POU6F2: variants seen among roughly 807,000 people sequenced by gnomAD.
POU6F2 encodes the protein POU class 6 homeobox 2.
A neutral mutation model predicts 71.3 loss-of-function variants in POU6F2; 31 were observed. The ratio of observed to expected loss-of-function variants is 0.43; its 90% confidence interval spans 0.33 to 0.59. POU6F2 has a LOEUF of 0.59. POU6F2 is among the 20% of genes least tolerant of loss of function. POU6F2 has a pLI of 0.04. For missense variants in POU6F2, 783 were observed against 856.8 expected, an observed-to-expected ratio of 0.91 and a Z score of 1.07; for synonymous variants, 347 against 355.7, an observed-to-expected ratio of 0.98 and a Z score of 0.27.
chr7:38,985,284 TGA>T (rs1301547466), intron 1 of POU6F2, among the ~76,000 whole-genome samples: 2 of 152,128 alleles, frequency 1.3e-5, no homozygotes, highest in Non-Finnish European at 2.9e-5. Flanking sequence ...TCCAAAAGGT[TGA>T]GAGTTAGGAC....
At chr7:39,417,421 T>C (rs1237876680) in intron 6 of POU6F2, among the ~76,000 whole-genome samples, 1 of 152,214 alleles carries the variant, frequency 6.6e-6, no homozygotes, top group East Asian at 1.9e-4. Flanking sequence ...TGTAGGCCTT[T>C]GAATGACCCA....
chr7:39,467,215 T>C lies in POU6F2; in HGVS notation c.*2529T>C, dbSNP rs184508024. On this transcript the variant is annotated 3_prime_UTR_variant, in exon 10 of 10. Transcript: ENST00000518318. ...ATTTTGTATTGTTTTATAAATTATT[T>C]ATAAGGTGTTGTAATGCTTCTTATA... 13 of 152,364 alleles carry C rather than the reference T, an allele frequency of 8.5e-5. No homozygotes were observed. In the East Asian group the frequency reaches 2.5e-3, roughly 29 times the overall value. The allele number at this position is 152,364 out of a possible 1,614,324, so 9.4% of individuals were successfully genotyped here. A position where few individuals can be genotyped will look rare whatever the true frequency, so the allele number is the denominator to read the frequency against.
intron 1 of POU6F2, among the ~76,000 whole-genome samples, chr7:39,037,955 A>C (rs1790101525): frequency 6.6e-6 from 1 of 152,076 alleles, no homozygotes; most frequent in Admixed American, 6.6e-5. Flanking sequence ...AAATCTCTCC[A>C]AATTCAAATA....
rs148315450 is a variant in POU6F2, at chr7:39,202,771, G to C, written c.278-1464G>C. Among the ~76,000 whole-genome samples the C allele has an allele frequency of 1.4e-3, 206 of 152,332 alleles. 2 individuals are homozygous for C. The East Asian group carries it at 0.018, about 14-fold the overall frequency. On this transcript the variant is annotated intron_variant, in intron 2 of 9. Coordinates refer to ENST00000518318, the MANE Select transcript of POU6F2 (RefSeq NM_001370959.1). ...TCTTATGATGGGTCATCTTACCCTT[G>C]TTATTAAATGACAGCAATCATTAAA...
intron 1 of POU6F2, among the ~76,000 whole-genome samples, chr7:38,996,721 T>C (rs930275547): frequency 6.6e-6 from 1 of 152,234 alleles, no homozygotes; most frequent in Non-Finnish European, 1.5e-5. Flanking sequence ...TCTGCTTGTA[T>C]ATCTATTTCA....
rs774260299 is a variant in POU6F2, at chr7:39,464,433, G to T, written c.1910G>T (p.Arg637Leu). The change falls in exon 10 of 10, where the codon CGC (arginine) becomes CTC (leucine). Residue 637 changes from arginine to leucine, a missense_variant. This residue lies in a region of POU6F2 where 211 missense variants were observed against 283.9 expected (regional missense o/e 0.74). Transcript: ENST00000518318. This position sits in a 1 kb window ranked among gnomAD's most constrained non-coding sequence, Gnocchi z 4.1. ...ATCGGGAGTGAACCATCCAAAAAGCGCAAGCGGCGCACCTCCTTCACACCC... is the reference window on the plus strand; with the variant it reads ...ATCGGGAGTGAACCATCCAAAAAGCTCAAGCGGCGCACCTCCTTCACACCC... ...EFIGSEPSKK[R>L]KRRTSFTPQA... 1 of 1,613,980 alleles carries T rather than the reference G, an allele frequency of 6.2e-7. No homozygotes were observed. Among genetic ancestry groups the T allele is most frequent in the South Asian group, 1.1e-5 (1 of 91,084 alleles).
At chr7:39,381,439 A>G (rs1786827111) in intron 5 of POU6F2, among the ~76,000 whole-genome samples, 1 of 151,984 alleles carries the variant, frequency 6.6e-6, no homozygotes, top group African/African-American at 2.4e-5. Flanking sequence ...ATGGGGTTTC[A>G]CCACGTTGCC....
intron 2 of POU6F2, among the ~76,000 whole-genome samples, chr7:39,151,504 C>A (rs1475249716): frequency 6.6e-6 from 1 of 152,142 alleles, no homozygotes; most frequent in Non-Finnish European, 1.5e-5. Flanking sequence ...AGCTCTTGGT[C>A]TTCCTGAAGT....
At chr7:39,331,640 T>C (rs530733716) in intron 4 of POU6F2, among the ~76,000 whole-genome samples, 13 of 152,266 alleles carry the variant, frequency 8.5e-5, no homozygotes, top group African/African-American at 2.6e-4. Flanking sequence ...CCTGAGTAGC[T>C]GGGACTACAG....
At position 39,207,503 on chromosome 7, in the gene POU6F2, G is replaced by C; in HGVS notation, c.481G>C (p.Gly161Arg). ...LIPFNMAGQLGGQQGLVLTLP... is the reference protein window; with the variant it reads ...LIPFNMAGQLRGQQGLVLTLP... ...TCCCTTCAACATGGCGGGACAGCTAGGAGGCCAGCAAGGACTGGTTCTCAC... is the reference window on the plus strand; with the variant it reads ...TCCCTTCAACATGGCGGGACAGCTACGAGGCCAGCAAGGACTGGTTCTCAC... The change falls in exon 4 of 10, where the codon GGA (glycine) becomes CGA (arginine). Residue 161 changes from glycine to arginine, a missense_variant. Coordinates refer to ENST00000518318, the MANE Select transcript of POU6F2 (RefSeq NM_001370959.1). 2 of 1,614,026 alleles carry C rather than the reference G, an allele frequency of 1.2e-6. No individual in the cohort carries two copies. The highest frequency in any genetic ancestry group is 1.7e-6 in the Non-Finnish European group (2 of 1,179,888).
At chr7:39,289,358 A>T (rs550847825) in intron 4 of POU6F2, among the ~76,000 whole-genome samples, 1 of 152,222 alleles carries the variant, frequency 6.6e-6, no homozygotes, top group East Asian at 1.9e-4. Context: ...TTTTATTTTC[A>T]AGTCAAACTG....
Position 39,086,054 on chromosome 7 carries a change from T to C in POU6F2, c.277+23T>C, listed in dbSNP as rs142647916. The C allele has an allele frequency of 9.2e-3, 14,889 of 1,610,290 alleles. 345 individuals are homozygous for C. Among genetic ancestry groups the C allele is most frequent in the Admixed American group, 0.058 (3,464 of 59,778 alleles). ...TCGGTAAGTCTGTCTAGGTATTTCATTTCAGTACTACCATGTTGTCCGGAA... is the reference window on the plus strand; with the variant it reads ...TCGGTAAGTCTGTCTAGGTATTTCACTTCAGTACTACCATGTTGTCCGGAA... On this transcript the variant is annotated intron_variant, in intron 2 of 9. Coordinates refer to ENST00000518318, the MANE Select transcript of POU6F2 (RefSeq NM_001370959.1).
At chr7:39,135,238 A>G (rs1413979023) in intron 2 of POU6F2, among the ~76,000 whole-genome samples, 1 of 152,218 alleles carries the variant, frequency 6.6e-6, no homozygotes, top group Non-Finnish European at 1.5e-5. Context: ...AATATCAGAT[A>G]TAGTCTATTA....
intron 4 of POU6F2, among the ~76,000 whole-genome samples, chr7:39,305,958 C>A (rs1163877395): frequency 6.6e-6 from 1 of 151,870 alleles, no homozygotes; most frequent in South Asian, 2.1e-4. Context: ...GACTCAATTT[C>A]TTTTCCTTCC....
chr7:39,194,894 C>T (rs1429705581), intron 2 of POU6F2, among the ~76,000 whole-genome samples: 1 of 152,162 alleles, frequency 6.6e-6, no homozygotes, highest in African/African-American at 2.4e-5. Context: ...TGAAGGTCTG[C>T]AGCTTCACTT....
At chr7:39,455,543 C>T (rs997348907) in intron 8 of POU6F2, among the ~76,000 whole-genome samples, 8 of 152,144 alleles carry the variant, frequency 5.3e-5, no homozygotes, top group African/African-American at 1.9e-4. Flanking sequence ...CAGCTATTTA[C>T]ATAACATAGT....
intron 5 of POU6F2, among the ~76,000 whole-genome samples, chr7:39,396,685 C>G (rs1787180034): frequency 6.6e-6 from 1 of 152,166 alleles, no homozygotes; most frequent in African/African-American, 2.4e-5. Flanking sequence ...AGAAATCCCA[C>G]CTCCTTAACT....
intron 4 of POU6F2, among the ~76,000 whole-genome samples, chr7:39,327,691 A>T (rs759171272): frequency 6.6e-6 from 1 of 151,866 alleles, no homozygotes; most frequent in Non-Finnish European, 1.5e-5. Flanking sequence ...AATCATATAT[A>T]TATAAAATTC....
intron 2 of POU6F2, among the ~76,000 whole-genome samples, chr7:39,113,330 A>G (rs1791861820): frequency 6.6e-6 from 1 of 152,170 alleles, no homozygotes; most frequent in South Asian, 2.1e-4. Context: ...CTGTCAGACA[A>G]TCTCATCCTG....
Sources: gnomAD v4.1 joint callset for allele counts (sites outside exome capture counted in the v4.1 genomes callset) on GRCh38, gnomAD v4.1.1 for gene constraint, gnomAD v4.1.1 regional missense constraint, Gnocchi (gnomAD v3.1) non-coding constraint, MANE v1.5 for transcripts, NCBI Gene and HGNC (gene_info 2026-07-23, HGNC 2026-07-21) for gene names.